RPF2: variants seen among roughly 807,000 people sequenced by gnomAD.
RPF2 encodes ribosome production factor 2 homolog, also known as brix domain containing 1.
A neutral mutation model predicts 38.9 loss-of-function variants in RPF2; 21 were observed. That is an observed-to-expected ratio of 0.54 (90% CI 0.38 to 0.78). The LOEUF (loss-of-function observed/expected upper bound fraction) is 0.78, where lower values mean the gene tolerates loss of function less well. RPF2 is among the 30% of genes least tolerant of loss of function. RPF2 has a pLI of 0.00. For synonymous variants in RPF2, 121 were observed against 126.2 expected (o/e 0.96, Z 0.28); for missense variants, 314 against 358.1 (o/e 0.88, Z 0.99).
At chr6:111,018,009 G>C (rs1473717522) in intron 8 of RPF2, among the ~76,000 whole-genome samples, 3 of 152,118 alleles carry the variant, frequency 2.0e-5, no homozygotes, top group Non-Finnish European at 2.9e-5. Flanking sequence ...TTAGGAGCTG[G>C]AGACCAGCCT....
chr6:110,999,743 A>T lies in RPF2; in HGVS notation c.349A>T (p.Ile117Phe). ...RMYDYHVLDM[I>F]ELGIENFVSL... ...GTATGACTACCATGTGCTGGATATG[A>T]TTGAATTAGGTATTGAGAATTTTGT... The change falls in exon 6 of 10, where the codon ATT becomes TTT. Residue 117 changes from isoleucine to phenylalanine, a missense_variant. Physicochemically the swap from Ile to Phe is conservative, Grantham distance 21. Transcript: ENST00000441448. The T allele has an allele frequency of 1.2e-6, 2 of 1,602,588 alleles. No individual in the cohort carries two copies. Among genetic ancestry groups the T allele is most frequent in the Non-Finnish European group, 1.7e-6 (2 of 1,169,654 alleles).
rs1429858421 is a variant in RPF2, at chr6:111,028,263, A to G, written c.*2681A>G. 1 of 152,154 alleles carries G rather than the reference A, an allele frequency of 6.6e-6. No individual in the cohort carries two copies. Among genetic ancestry groups the G allele is most frequent in the African/African-American group, 2.4e-5 (1 of 41,450 alleles). The allele number at this position is 152,154 out of a possible 1,614,324, so 9.4% of individuals were successfully genotyped here. A position where few individuals can be genotyped will look rare whatever the true frequency, so the allele number is the denominator to read the frequency against. ...GGCTAATAAAACTTAACTTCAAGTCAGTTTTCATTTATCTGATTAGCTACT... is the reference window on the plus strand; with the variant it reads ...GGCTAATAAAACTTAACTTCAAGTCGGTTTTCATTTATCTGATTAGCTACT... On this transcript the variant is annotated 3_prime_UTR_variant, in exon 10 of 10. Coordinates refer to ENST00000441448, the MANE Select transcript of RPF2 (RefSeq NM_032194.3).
intron 8 of RPF2, among the ~76,000 whole-genome samples, chr6:111,021,649 C>T (rs1583276714): frequency 1.3e-5 from 2 of 152,250 alleles, no homozygotes; most frequent in East Asian, 3.9e-4. Context: ...TTAGATAATT[C>T]TGAGGTCCCC....
intron 7 of RPF2, among the ~76,000 whole-genome samples, chr6:111,015,203 G>A (rs1000373976): frequency 8.5e-5 from 13 of 152,080 alleles, no homozygotes; most frequent in African/African-American, 2.7e-4. Flanking sequence ...TGCCACCGGT[G>A]GTATGATTAC....
At chr6:110,997,467 C>A (rs889754493) in intron 5 of RPF2, among the ~76,000 whole-genome samples, 6 of 152,084 alleles carry the variant, frequency 3.9e-5, no homozygotes, top group Non-Finnish European at 7.3e-5. Context: ...AGGGGCCTGG[C>A]ATGGTGGTTC....
intron 7 of RPF2, among the ~76,000 whole-genome samples, chr6:111,011,560 A>T (rs1477960645): frequency 1.3e-5 from 2 of 152,092 alleles, no homozygotes; most frequent in Non-Finnish European, 2.9e-5. Context: ...AAGTGCTGAG[A>T]TTATAGGTGT....
Position 111,024,219 on chromosome 6 carries a change from G to A in RPF2, c.633G>A (p.Arg211=), listed in dbSNP as rs1204256051. 3.7e-6 allele frequency: 6 copies of A among 1,609,928 alleles called. No individual in the cohort carries two copies. Among genetic ancestry groups the A allele is most frequent in the Non-Finnish European group, 5.1e-6 (6 of 1,179,336 alleles). The change falls in exon 9 of 10, where the codon CGG becomes CGA. Residue 211 remains arginine, a synonymous_variant. Transcript: ENST00000441448. ...LLKKSGCRTP[R]IELEEMGPSL... is the part of the protein sequence containing the mutation. ...AGAAATCTGGTTGCAGAACACCACG[G>A]ATTGAATTGGAAGAGATGGGACCCT...
At chr6:111,012,034 C>T (rs1051600600) in intron 7 of RPF2, among the ~76,000 whole-genome samples, 8 of 147,782 alleles carry the variant, frequency 5.4e-5, no homozygotes, top group African/African-American at 2.0e-4. Flanking sequence ...CAGTAGGGAG[C>T]AAGAAATGTA....
intron 9 of RPF2, 124 bp downstream of exon 9, chr6:111,024,451 C>G: frequency 1.2e-6 from 1 of 817,508 alleles, no homozygotes; most frequent in Non-Finnish European, 1.8e-6. Flanking sequence ...CGGTGGCTCA[C>G]GCCTGTAATC....
chr6:111,017,651 G>A (rs1178566397), intron 8 of RPF2, among the ~76,000 whole-genome samples: 5 of 150,198 alleles, frequency 3.3e-5, no homozygotes, highest in African/African-American at 4.9e-5. Flanking sequence ...CATCTCAGAC[G>A]ATGGGCGGCC....
chr6:111,027,824 G>A lies in RPF2; in HGVS notation c.*2242G>A, dbSNP rs1458518968. On this transcript the variant is annotated 3_prime_UTR_variant, in exon 10 of 10. Coordinates refer to ENST00000441448, the MANE Select transcript of RPF2 (RefSeq NM_032194.3). ...AATAGTATTATTGAAGTCTAACAAA[G>A]ACTTTTTGTTGAGAACACCTTGTAG... The A allele has an allele frequency of 6.6e-6, 1 of 152,144 alleles. No homozygotes were observed. Among genetic ancestry groups the A allele is most frequent in the African/African-American group, 2.4e-5 (1 of 41,430 alleles). The allele number at this position is 152,144 out of a possible 1,614,324, so 9.4% of individuals were successfully genotyped here.
chr6:111,018,698 C>T (rs1285439082), intron 8 of RPF2, among the ~76,000 whole-genome samples: 2 of 152,108 alleles, frequency 1.3e-5, no homozygotes, highest in Non-Finnish European at 2.9e-5. Context: ...CTGTTTTCCT[C>T]TCACTAAAAA....
rs772838153 is a variant in RPF2 at position 111,008,154 on chromosome 6, T to TTATTATC, written c.493+19_493+25dup. On this transcript the variant is annotated intron_variant, in intron 7 of 9. Transcript: ENST00000441448. ...TTCTTATTGGTAAGTATTTTAGTAT[T>TTATTATC]TATTATCTTCAGGGTAGCTCAGGAA... The TTATTATC allele has an allele frequency of 2.5e-6, 4 of 1,587,676 alleles. No homozygotes were observed. In the East Asian group the frequency reaches 9.2e-5, roughly 36 times the overall value.
At chr6:110,995,356 A>G (rs1456945014) in intron 4 of RPF2, among the ~76,000 whole-genome samples, 1 of 152,156 alleles carries the variant, frequency 6.6e-6, no homozygotes, top group Non-Finnish European at 1.5e-5. Context: ...AGAAAAGATT[A>G]TTTGTCCAGA....
intron 5 of RPF2, 103 bp from the exon 6 acceptor site, chr6:110,999,608 A>G: frequency 1.4e-6 from 1 of 700,404 alleles, no homozygotes; most frequent in Non-Finnish European, 2.6e-6. Flanking sequence ...TAGGGAGAAA[A>G]AAGAGGCAGA....
At position 110,982,083 on chromosome 6, in the gene RPF2, TAA is replaced by T. The variant is rs767160130; in HGVS notation, c.-23_-22del. On this transcript the variant is annotated 5_prime_UTR_variant, in exon 1 of 10. The change abolishes the stop of an existing upstream ORF in the 5' untranslated region. Coordinates refer to ENST00000441448, the MANE Select transcript of RPF2 (RefSeq NM_032194.3). ...CGAGGGCACGTGCATGCCCCCTGGTTAAGAGTTGCAGGTAGCGGTAGCGATGG... is the reference window on the plus strand; with the variant it reads ...CGAGGGCACGTGCATGCCCCCTGGTTGAGTTGCAGGTAGCGGTAGCGATGG... 6.8e-6 allele frequency: 11 copies of T among 1,613,948 alleles called. No homozygotes were observed. In the East Asian group the frequency reaches 2.5e-4, roughly 36 times the overall value.
Position 111,028,080 on chromosome 6 carries a change from A to C in RPF2, c.*2498A>C, listed in dbSNP as rs1036997907. Reference sequence around the variant, plus strand: ...TTTTGTTTTAAATACCAAATTTCTTATATTTTTTCTGGAATATTAATACTA... The same window carrying C: ...TTTTGTTTTAAATACCAAATTTCTTCTATTTTTTCTGGAATATTAATACTA... On this transcript the variant is annotated 3_prime_UTR_variant, in exon 10 of 10. Transcript: ENST00000441448. The C allele has an allele frequency of 6.6e-6, 1 of 151,750 alleles. No individual in the cohort carries two copies. Among genetic ancestry groups the C allele is most frequent in the African/African-American group, 2.4e-5 (1 of 41,336 alleles). 9.4% of individuals were successfully genotyped at this position (151,750 alleles called of 1,614,324 possible). A position where few individuals can be genotyped will look rare whatever the true frequency, so the allele number is the denominator to read the frequency against.
At position 111,025,568 on chromosome 6, in the gene RPF2, A is replaced by G; in HGVS notation, c.907A>G (p.Ile303Val). ...AGACCACGAGAAAAAGTCAAAAAGA[A>G]TTAAAAAAAATTGATGGAACTTAGC... ...TEDHEKKSKR[I>V]KKN The change falls in exon 10 of 10, where the codon ATT becomes GTT. Residue 303 changes from isoleucine (I) to valine (V), a missense_variant. By Grantham distance (29) the Ile-to-Val change is conservative (BLOSUM62 3). Transcript: ENST00000441448. 2 of 1,605,376 alleles carry G rather than the reference A, an allele frequency of 1.2e-6. No homozygotes were observed. Among genetic ancestry groups the G allele is most frequent in the Non-Finnish European group, 1.7e-6 (2 of 1,177,808 alleles).
chr6:111,017,697 C>T (rs1583274685), intron 8 of RPF2, among the ~76,000 whole-genome samples: 3 of 147,936 alleles, frequency 2.0e-5, no homozygotes, highest in Non-Finnish European at 3.0e-5. Context: ...GACGGGATGG[C>T]GGCCGGGAAG....
Sources: allele counts gnomAD v4.1 joint callset (sites outside exome capture counted in the v4.1 genomes callset), GRCh38; gene constraint gnomAD v4.1.1; transcripts MANE v1.5; gene names NCBI Gene and HGNC (gene_info 2026-07-23, HGNC 2026-07-21).